Variants in EBF2 observed in about 807,000 individuals in gnomAD.
EBF2 encodes EBF transcription factor 2.
Under a neutral mutation model 72.8 loss-of-function variants are expected in EBF2, and 21 were observed. The ratio of observed to expected loss-of-function variants is 0.29; its 90% CI spans 0.20 to 0.42. EBF2 has a LOEUF of 0.42. EBF2 is among the 10% of genes least tolerant of loss of function. The pLI is 1.00. For synonymous variants in EBF2, 299 were observed against 274.2 expected (o/e 1.09, Z -0.89); for missense variants, 637 against 731.2 (o/e 0.87, Z 1.49).
chr8:26,013,240 A>G (rs1438724567), intron 6 of EBF2, among the ~76,000 whole-genome samples: 3 of 152,110 alleles, frequency 2.0e-5, no homozygotes, highest in African/African-American at 7.2e-5. Flanking sequence ...AGTTTTTATC[A>G]CTTCCATCAC....
intron 6 of EBF2, among the ~76,000 whole-genome samples, chr8:25,917,979 A>T (rs2117131163): frequency 6.6e-6 from 1 of 152,346 alleles, no homozygotes; most frequent in East Asian, 1.9e-4. Flanking sequence ...TGGAGTGCAA[A>T]TGTGGAGATT....
intron 6 of EBF2, among the ~76,000 whole-genome samples, chr8:25,909,481 T>C (rs927150829): frequency 6.6e-5 from 10 of 152,038 alleles, no homozygotes; most frequent in African/African-American, 2.2e-4. Context: ...TCTGTTACTA[T>C]GACAACGAAA....
intron 6 of EBF2, among the ~76,000 whole-genome samples, chr8:25,997,010 A>G (rs539164278): frequency 6.6e-6 from 1 of 152,194 alleles, no homozygotes; most frequent in South Asian, 2.1e-4. Context: ...AATTTTCATA[A>G]AACTAAAAGA....
chr8:25,863,123 T>C (rs1320801987), intron 10 of EBF2, among the ~76,000 whole-genome samples: 1 of 151,914 alleles, frequency 6.6e-6, no homozygotes, highest in Non-Finnish European at 1.5e-5. Context: ...TTATATTATT[T>C]TCCTTTCTCT....
chr8:25,911,797 G>A (rs1437391751), intron 6 of EBF2, among the ~76,000 whole-genome samples: 2 of 152,134 alleles, frequency 1.3e-5, no homozygotes, highest in African/African-American at 4.8e-5. Context: ...TGGGAGTGAG[G>A]GTTTCTGAGA....
intron 6 of EBF2, among the ~76,000 whole-genome samples, chr8:26,015,204 T>C (rs956814643): frequency 6.6e-6 from 1 of 152,024 alleles, no homozygotes; most frequent in African/African-American, 2.4e-5. Context: ...AAGAAAATAA[T>C]AGTGACCACA....
intron 14 of EBF2, among the ~76,000 whole-genome samples, chr8:25,855,269 A>C (rs1802064706): frequency 6.6e-6 from 1 of 152,094 alleles, no homozygotes; most frequent in Non-Finnish European, 1.5e-5. Context: ...TTTTGGAGCT[A>C]AGGGGTCTGT....
intron 14 of EBF2, among the ~76,000 whole-genome samples, chr8:25,857,335 C>T (rs1802113881): frequency 6.6e-6 from 1 of 151,972 alleles, no homozygotes; most frequent in South Asian, 2.1e-4. Flanking sequence ...AACCAAAAGT[C>T]CAAAGACTGT....
chr8:25,847,789 C>CTTGATATTTTCATAGATT (rs1218712176), intron 15 of EBF2, among the ~76,000 whole-genome samples: 1 of 152,158 alleles, frequency 6.6e-6, no homozygotes, highest in East Asian at 1.9e-4. Context: ...CCACACGTCA[C>CTTGATATTTTCATAGATT]TTGATATTTT....
rs529186189 is a variant in EBF2 at position 25,886,940 on chromosome 8, A to G, written c.883-59T>C. 17 of 1,580,680 alleles carry G rather than the reference A, an allele frequency of 1.1e-5. No homozygotes were observed. The East Asian group carries it at 2.5e-4, about 23-fold the overall frequency. ...CATTAGACAAGCCATCACCAAGGAC[A>G]TAAGGTGTACAACATCTCCCACTAT... On this transcript the variant is annotated intron_variant, in intron 9 of 15. Transcript: ENST00000520164.
chr8:26,012,925 T>C (rs547596917), intron 6 of EBF2, among the ~76,000 whole-genome samples: 6 of 152,306 alleles, frequency 3.9e-5, no homozygotes, highest in African/African-American at 1.4e-4. Context: ...GGCATTATTC[T>C]AGATGCCAAG....
chr8:25,913,293 C>A (rs1425947208), intron 6 of EBF2, among the ~76,000 whole-genome samples: 1 of 151,866 alleles, frequency 6.6e-6, no homozygotes, highest in Non-Finnish European at 1.5e-5. Context: ...ATACAAAAAT[C>A]AGCTGGGCGT....
intron 13 of EBF2, among the ~76,000 whole-genome samples, 154 bp from the exon 14 acceptor site, chr8:25,858,658 T>C (rs927555401): frequency 7.1e-6 from 1 of 140,882 alleles, no homozygotes; most frequent in Admixed American, 7.1e-5. Flanking sequence ...TAGCTTTTTT[T>C]TTTTTTTTTT....
At chr8:25,865,038 T>C (rs1052949761) in intron 10 of EBF2, among the ~76,000 whole-genome samples, 1 of 152,146 alleles carries the variant, frequency 6.6e-6, no homozygotes, top group Non-Finnish European at 1.5e-5. Flanking sequence ...CCTGACCTCG[T>C]GATCCGCCTG....
chr8:26,043,539 C>G (rs886510482), intron 1 of EBF2, among the ~76,000 whole-genome samples: 1 of 152,190 alleles, frequency 6.6e-6, no homozygotes, highest in Non-Finnish European at 1.5e-5. Context: ...CCGCGGCCGC[C>G]GCGCTGTGCG....
chr8:26,009,313 A>G (rs979724314), intron 6 of EBF2, among the ~76,000 whole-genome samples: 2 of 152,190 alleles, frequency 1.3e-5, no homozygotes, highest in African/African-American at 4.8e-5. Context: ...CGTATTCAGC[A>G]TGTTCTATAC....
At chr8:25,953,403 A>C (rs905824382) in intron 6 of EBF2, among the ~76,000 whole-genome samples, 5 of 152,216 alleles carry the variant, frequency 3.3e-5, no homozygotes, top group African/African-American at 1.2e-4. Flanking sequence ...ATTTAATTGC[A>C]TTTCCAAGCA....
chr8:26,040,546 A>G (rs1450876903), intron 4 of EBF2, 70 bp downstream of exon 4: 1 of 1,479,618 alleles, frequency 6.8e-7, no homozygotes, highest in Non-Finnish European at 9.2e-7. Context: ...GGCAGGTCAG[A>G]AACAAACTGG....
chr8:25,980,354 C>T (rs1804339294), intron 6 of EBF2, among the ~76,000 whole-genome samples: 3 of 152,110 alleles, frequency 2.0e-5, no homozygotes, highest in Admixed American at 1.3e-4. Flanking sequence ...TATGATTCTT[C>T]CTTCTTTTAA....
Sources: allele counts gnomAD v4.1 joint callset (sites outside exome capture counted in the v4.1 genomes callset), GRCh38; gene constraint gnomAD v4.1.1; transcripts MANE v1.5; gene names NCBI Gene and HGNC (gene_info 2026-07-23, HGNC 2026-07-21).